Variants in MYL10 observed in about 807,000 individuals in gnomAD.
MYL10 encodes myosin regulatory light chain 10.
A neutral mutation model predicts 21.9 loss-of-function variants in MYL10; 18 were observed. That is an observed-to-expected ratio of 0.82 (90% CI 0.57 to 1.22). MYL10 has a LOEUF of 1.22. MYL10 is among the 50% of genes most tolerant of loss of function. The pLI, the probability that MYL10 is intolerant of heterozygous loss-of-function variation, is 0.00. For synonymous variants in MYL10, 88 were observed against 82.8 expected (o/e 1.06, Z -0.34); for missense variants, 225 against 230.4 (o/e 0.98, Z 0.15).
intron 5 of MYL10, among the ~76,000 whole-genome samples, chr7:101,619,069 C>A (rs1796644980): frequency 6.6e-6 from 1 of 152,146 alleles, no homozygotes; most frequent in African/African-American, 2.4e-5. Context: ...GGGCCCGGCC[C>A]TGGGCCGTCC....
Position 101,629,126 on chromosome 7 carries a change from C to T in MYL10, c.-8G>A. The T allele has an allele frequency of 2.9e-6, 1 of 345,726 alleles. No homozygotes were observed. The highest frequency in any genetic ancestry group is 2.1e-5 in the South Asian group (1 of 48,626). The allele number at this position is 345,726 out of a possible 1,614,324, so 21.4% of individuals were successfully genotyped here. On this transcript the variant is annotated 5_prime_UTR_variant, in exon 1 of 8. Coordinates refer to ENST00000223167, the MANE Select transcript of MYL10 (RefSeq NM_138403.5). ...GACCAGCCTAAGCAACATGGTGAAACTCTGTTTCTACAAAAAAATTTTTTT... is the reference window on the plus strand; with the variant it reads ...GACCAGCCTAAGCAACATGGTGAAATTCTGTTTCTACAAAAAAATTTTTTT...
intron 6 of MYL10, among the ~76,000 whole-genome samples, chr7:101,615,600 C>G (rs868607918): frequency 4.1e-5 from 6 of 147,130 alleles, no homozygotes; most frequent in Non-Finnish European, 8.9e-5. Flanking sequence ...GCTGTTCCCC[C>G]CCTAGCCTGG....
chr7:101,629,192 G>T lies in MYL10; in HGVS notation c.-74C>A, dbSNP rs928217842. 4 of 331,532 alleles carry T rather than the reference G, an allele frequency of 1.2e-5. No homozygotes were observed. Among genetic ancestry groups the T allele is most frequent in the Non-Finnish European group, 2.4e-5 (4 of 169,034 alleles). 20.5% of individuals were successfully genotyped at this position (331,532 alleles called of 1,614,324 possible). ...TCAGGCATAGTGGTGAAGTGAAAAA[G>T]TTCCCTTATCCCGTTCATAGGGCAT... On this transcript the variant is annotated 5_prime_UTR_variant, in exon 1 of 8. Transcript: ENST00000223167.
intron 6 of MYL10, 134 bp downstream of exon 6, chr7:101,616,086 G>T (rs886231866): frequency 5.2e-5 from 35 of 668,784 alleles, no homozygotes; most frequent in African/African-American, 8.9e-5. Context: ...GACATCAAGC[G>T]ATATCACTGG....
chr7:101,621,042 G>A lies in MYL10; in HGVS notation c.454+1054C>T, dbSNP rs187166984. The stretch of plus-strand genomic sequence containing the variant: ...GACCTCAGGTGATCCACCCACCTCC[G>A]CCTCCCAGAGTGCTGGGATTACAGG... On this transcript the variant is annotated intron_variant, in intron 5 of 7. Coordinates refer to ENST00000223167, the MANE Select transcript of MYL10 (RefSeq NM_138403.5). 4.1e-4 allele frequency among the ~76,000 whole-genome samples: 62 copies of A among 152,138 alleles called. 1 individual carries two copies. The highest frequency in any genetic ancestry group is 1.3e-3 in the African/African-American group (52 of 41,506).
rs1045481175 is a variant in MYL10 at position 101,624,066 on chromosome 7, A to G, written c.172-45T>C. 5 of 725,100 alleles carry G rather than the reference A, an allele frequency of 6.9e-6. No homozygotes were observed. The African/African-American group carries it at 8.9e-5, about 13-fold the overall frequency. 44.9% of individuals were successfully genotyped at this position (725,100 alleles called of 1,614,324 possible). ...TAATAATAATAATAGTAATAATGAC[A>G]TCTTCAGCCCCTCGAGACTGAGGAC... On this transcript the variant is annotated intron_variant, in intron 2 of 7. Transcript: ENST00000223167.
intron 3 of MYL10, among the ~76,000 whole-genome samples, chr7:101,623,694 C>CA (rs11337754): frequency 0.015 from 1,010 of 65,924 alleles, 12 homozygotes; most frequent in Admixed American, 0.024. Flanking sequence ...GACCCTGTCT[C>CA]AAAAAAAAAA....
At chr7:101,620,402 T>C (rs1796664092) in intron 5 of MYL10, among the ~76,000 whole-genome samples, 1 of 151,914 alleles carries the variant, frequency 6.6e-6, no homozygotes, top group Non-Finnish European at 1.5e-5. Flanking sequence ...ACGGCGAGGC[T>C]GAGATGGGAG....
rs1255660828 is a variant in MYL10, at chr7:101,622,073, A to G, written c.454+23T>C. 4 of 1,586,156 alleles carry G rather than the reference A, an allele frequency of 2.5e-6. No individual in the cohort carries two copies. In the African/African-American group the frequency reaches 5.4e-5, roughly 21 times the overall value. On this transcript the variant is annotated intron_variant, in intron 5 of 7. Transcript: ENST00000223167. ...CCCTGCCATTCCCTGCTGCCCCTCC[A>G]GGACTCCAGGAGCCTGGCTCACCCT...
At chr7:101,622,712 C>T (rs2130741353) in intron 4 of MYL10, among the ~76,000 whole-genome samples, 1 of 152,280 alleles carries the variant, frequency 6.6e-6, no homozygotes, top group Non-Finnish European at 1.5e-5. Flanking sequence ...CCCTGCTTTC[C>T]TGGCCCCTCC....
At chr7:101,622,655 G>A (rs921012129) in intron 4 of MYL10, among the ~76,000 whole-genome samples, 2 of 152,144 alleles carry the variant, frequency 1.3e-5, no homozygotes, top group Non-Finnish European at 2.9e-5. Context: ...AGAGGGATCA[G>A]AAACCTCAAC....
intron 2 of MYL10, 74 bp from the exon 3 acceptor site, chr7:101,624,095 G>T: frequency 1.2e-6 from 1 of 822,582 alleles, no homozygotes; most frequent in Non-Finnish European, 2.1e-6. Context: ...TGAGGACTGA[G>T]CCTCTGCCCA....
At chr7:101,623,161 A>C (rs1796701480) in intron 3 of MYL10, 89 bp from the exon 4 acceptor site, 40 of 1,264,878 alleles carry the variant, frequency 3.2e-5, no homozygotes, top group Non-Finnish European at 4.4e-5. Context: ...ACTGCTGCCC[A>C]AGGAGCCTCG....
In MYL10 at chr7:101,622,209, G is replaced by A. The variant is rs766519135; in HGVS notation, c.350-9C>T. Reference sequence around the variant, plus strand: ...CTTGACATTGATGCGGCCTGTGGGAGGTGAGAGGTGGGGGCAGGGAGGATA... The same window carrying A: ...CTTGACATTGATGCGGCCTGTGGGAAGTGAGAGGTGGGGGCAGGGAGGATA... On this transcript the variant is annotated splice_polypyrimidine_tract_variant and intron_variant, in intron 4 of 7. Transcript: ENST00000223167. 3 of 1,605,554 alleles carry A rather than the reference G, an allele frequency of 1.9e-6. No individual in the cohort carries two copies. Among genetic ancestry groups the A allele is most frequent in the South Asian group, 2.2e-5 (2 of 90,582 alleles).
In MYL10 at chr7:101,616,279, G is replaced by A; in HGVS notation, c.474C>T (p.Thr158=). Residue 158 remains threonine (T), a synonymous_variant, in exon 6 of 8, where the codon ACC becomes ACT. Coordinates refer to ENST00000223167, the MANE Select transcript of MYL10 (RefSeq NM_138403.5). The part of the protein sequence containing the change: ...EKLKGTDPEE[T]ILHAFKVFDT... ...CGAACACTTTGAAGGCGTGGAGAAT[G>A]GTCTCCTCTGGGTCCGTGCCTATAA... 6.8e-6 allele frequency: 11 copies of A among 1,614,116 alleles called. No individual in the cohort carries two copies. Among genetic ancestry groups the A allele is most frequent in the Non-Finnish European group, 8.5e-6 (10 of 1,179,966 alleles).
rs574109106 is a variant in MYL10 at position 101,622,325 on chromosome 7, C to T, written c.350-125G>A. The T allele has an allele frequency of 2.5e-4, 164 of 657,540 alleles. 1 individual carries two copies. The highest frequency in any genetic ancestry group is 1.5e-3 in the African/African-American group (80 of 53,454). 40.7% of individuals were successfully genotyped at this position (657,540 alleles called of 1,614,324 possible). A position where few individuals can be genotyped will look rare whatever the true frequency, so the allele number is the denominator to read the frequency against. On this transcript the variant is annotated intron_variant, in intron 4 of 7. Coordinates refer to ENST00000223167, the MANE Select transcript of MYL10 (RefSeq NM_138403.5). ...CCCCCACTCAGCCCTAAGGCCCTGA[C>T]GCCTTTTTGGGGGACTCTTTAGGGG...
chr7:101,618,777 G>C (rs1049229450), intron 5 of MYL10, among the ~76,000 whole-genome samples: 1 of 151,994 alleles, frequency 6.6e-6, no homozygotes, highest in African/African-American at 2.4e-5. Context: ...GGCTCAGCCG[G>C]AGCCCCAGTC....
chr7:101,628,756 C>T (rs958083955), intron 1 of MYL10, among the ~76,000 whole-genome samples: 2 of 152,210 alleles, frequency 1.3e-5, no homozygotes, highest in African/African-American at 2.4e-5. Context: ...AGTGAGCCCA[C>T]GGGTCCCCAG....
Position 101,628,110 on chromosome 7 carries a change from C to T in MYL10, c.78+931G>A, listed in dbSNP as rs556763105. ...TTAAGCACCCCCAGGCCAGGGGACC[C>T]CCTCAGGGCACTGAAATGCTCAATG... is the stretch of plus-strand genomic sequence containing the variant. On this transcript the variant is annotated intron_variant, in intron 1 of 7. Transcript: ENST00000223167. Among the ~76,000 whole-genome samples the T allele has an allele frequency of 1.8e-4, 27 of 152,314 alleles. 1 individual carries two copies. The South Asian group carries it at 5.4e-3, about 30-fold the overall frequency.
Sources: allele counts gnomAD v4.1 joint callset (sites outside exome capture counted in the v4.1 genomes callset), GRCh38; gene constraint gnomAD v4.1.1; transcripts MANE v1.5; gene names NCBI Gene and HGNC (gene_info 2026-07-23, HGNC 2026-07-21).